CAST: variants seen among roughly 807,000 people sequenced by gnomAD.
CAST encodes the protein MIR583 host.
In CAST, 76 loss-of-function variants were observed where a neutral mutation model predicts 119.6. The observed-to-expected ratio is 0.64, with a 90% confidence interval of 0.53 to 0.77. The LOEUF is 0.77. CAST is among the 30% of genes least tolerant of loss of function. The probability of loss-of-function intolerance (pLI) is 0.00; values close to 1 mark genes in which losing one functional copy is unlikely to be tolerated. For missense variants in CAST, 953 were observed against 946.5 expected (o/e 1.01, Z -0.09); for synonymous variants, 319 against 331.6 (o/e 0.96, Z 0.41).
the CAST span, among the ~76,000 whole-genome samples, chr5:96,371,390 GCTGTCAA>G: frequency 2.0e-5 from 3 of 152,280 alleles, no homozygotes; most frequent in Non-Finnish European, 2.9e-5. Context: ...TACTTGAATC[GCTGTCAA>G]CTGTTGATGA....
chr5:96,274,952 G>T, the CAST span, among the ~76,000 whole-genome samples: 6 of 152,158 alleles, frequency 3.9e-5, no homozygotes, highest in African/African-American at 1.4e-4. Context: ...TTCCAATCTG[G>T]AAATGCCTGA....
At chr5:96,424,758 T>G in the CAST span, among the ~76,000 whole-genome samples, 1 of 151,206 alleles carries the variant, frequency 6.6e-6, no homozygotes, top group African/African-American at 2.4e-5. Flanking sequence ...AGGTCAGGAG[T>G]TCGAGACCAG....
intron 1 of CAST, among the ~76,000 whole-genome samples, chr5:96,667,953 T>C (rs1031776293): frequency 6.6e-6 from 1 of 152,158 alleles, no homozygotes. Context: ...AGGCGGAGCT[T>C]GCAGTAAGCC....
the CAST span, among the ~76,000 whole-genome samples, chr5:96,250,801 G>T: frequency 6.6e-6 from 1 of 152,108 alleles, no homozygotes; most frequent in East Asian, 1.9e-4. Context: ...AAACCCTGAA[G>T]AGTAGAATAG....
chr5:96,446,299 A>G, the CAST span, among the ~76,000 whole-genome samples: 1 of 152,206 alleles, frequency 6.6e-6, no homozygotes, highest in Non-Finnish European at 1.5e-5. Flanking sequence ...TTGTGGTACA[A>G]GAACTATTTT....
chr5:96,468,530 G>A, the CAST span, among the ~76,000 whole-genome samples: 19 of 152,052 alleles, frequency 1.2e-4, no homozygotes, highest in African/African-American at 4.3e-4. Flanking sequence ...CATTGTAATG[G>A]CTACAAATAT....
At chr5:96,277,469 G>T in the CAST span, among the ~76,000 whole-genome samples, 2 of 151,898 alleles carry the variant, frequency 1.3e-5, no homozygotes, top group Non-Finnish European at 2.9e-5. Context: ...TGGTCACTGA[G>T]ATCTCATCTT....
At chr5:96,744,457 G>A (rs1484248639) in intron 16 of CAST, among the ~76,000 whole-genome samples, 1 of 152,194 alleles carries the variant, frequency 6.6e-6, no homozygotes, top group Non-Finnish European at 1.5e-5. Flanking sequence ...TCACTATCAT[G>A]AGAACAGTAC....
the CAST span, among the ~76,000 whole-genome samples, chr5:96,124,680 T>C: frequency 6.6e-6 from 1 of 152,178 alleles, no homozygotes; most frequent in Non-Finnish European, 1.5e-5. Context: ...GCTTCTTACA[T>C]AGTTATTTAC....
At chr5:95,988,050 T>C in the CAST span, among the ~76,000 whole-genome samples, 1 of 152,246 alleles carries the variant, frequency 6.6e-6, no homozygotes, top group Non-Finnish European at 1.5e-5. Context: ...AACTCTGTTC[T>C]AGAAAATCCA....
rs554114168 is a variant in CAST, at chr5:96,712,385, G to A, written c.211-10254G>A. Among the ~76,000 whole-genome samples, 11 of 152,278 alleles carry A rather than the reference G, an allele frequency of 7.2e-5. No individual in the cohort carries two copies. In the South Asian group the frequency reaches 2.3e-3, roughly 32 times the overall value. ...CTTGCTCTGTCACTTGGGCTGGAGT[G>A]CAGTGGTGCAATCACGGGCCACTGC... On this transcript the variant is annotated intron_variant, in intron 3 of 31. Coordinates refer to ENST00000675179, the MANE Select transcript of CAST (RefSeq NM_001750.7).
the CAST span, among the ~76,000 whole-genome samples, chr5:96,360,587 C>T: frequency 6.6e-6 from 1 of 152,162 alleles, no homozygotes; most frequent in African/African-American, 2.4e-5. Context: ...CGGTCAGGCT[C>T]CTCTGCTGCA....
chr5:96,578,908 T>C (rs573825848), intron 1 of CAST, among the ~76,000 whole-genome samples: 1 of 152,342 alleles, frequency 6.6e-6, no homozygotes, highest in East Asian at 1.9e-4. Context: ...ATGATTCCAA[T>C]AGCAGTTTAA....
the CAST span, among the ~76,000 whole-genome samples, chr5:96,479,137 G>A: frequency 6.6e-6 from 1 of 152,074 alleles, no homozygotes; most frequent in South Asian, 2.1e-4. Context: ...GCATTTGGAA[G>A]CCTACATGCT....
chr5:96,256,826 ATGT>A, the CAST span, among the ~76,000 whole-genome samples: 14 of 152,122 alleles, frequency 9.2e-5, no homozygotes, highest in African/African-American at 3.1e-4. Context: ...TCTAAGCCTA[ATGT>A]TGTATTCCCT....
chr5:96,060,514 C>T, the CAST span, among the ~76,000 whole-genome samples: 1 of 151,998 alleles, frequency 6.6e-6, no homozygotes, highest in East Asian at 1.9e-4. Context: ...GTCCTATCAC[C>T]AAGAAAAGGT....
the CAST span, among the ~76,000 whole-genome samples, chr5:96,443,408 C>G: frequency 0.031 from 4,689 of 152,272 alleles, 237 homozygotes; most frequent in African/African-American, 0.1. Context: ...TTAACAGTTT[C>G]TACATCCTGC....
the CAST span, among the ~76,000 whole-genome samples, chr5:96,279,026 C>T: frequency 6.6e-6 from 1 of 152,128 alleles, no homozygotes; most frequent in Non-Finnish European, 1.5e-5. Context: ...ATGGATGATA[C>T]TCATATTTTC....
the CAST span, among the ~76,000 whole-genome samples, chr5:96,306,801 G>T: frequency 6.6e-6 from 1 of 152,268 alleles, no homozygotes; most frequent in African/African-American, 2.4e-5. Flanking sequence ...TGATTGCCTG[G>T]TGGTCTGAGA....
Sources: gnomAD v4.1 joint callset for allele counts (sites outside exome capture counted in the v4.1 genomes callset) on GRCh38, gnomAD v4.1.1 for gene constraint, MANE v1.5 for transcripts, NCBI Gene and HGNC (gene_info 2026-07-23, HGNC 2026-07-21) for gene names.